The following HIVEP1 variants were observed in gnomAD, a reference collection of about 807,000 sequenced individuals.
HIVEP1 encodes the protein HIVEP zinc finger 1.
Under a neutral mutation model 180.0 loss-of-function variants are expected in HIVEP1, and 36 were observed. That is an observed-to-expected ratio of 0.20 (90% CI 0.15 to 0.26). The LOEUF is 0.26. Ranked by LOEUF, HIVEP1 falls within the 10% of genes least tolerant of loss-of-function variation. The pLI, the probability that HIVEP1 is intolerant of heterozygous loss-of-function variation, is 1.00. For synonymous variants in HIVEP1, 1,239 were observed against 1,239.0 expected, an observed-to-expected ratio of 1.00 and a Z score of 0.00; for missense variants, 3,143 against 3,268.7, an observed-to-expected ratio of 0.96 and a Z score of 0.94.
chr6:12,020,982 C>A (rs920196495), intron 2 of HIVEP1, among the ~76,000 whole-genome samples: 1 of 151,312 alleles, frequency 6.6e-6, no homozygotes, highest in Admixed American at 6.6e-5. Flanking sequence ...GCTCCACCTC[C>A]CAGGTTCAAG....
chr6:12,049,140 G>A (rs1195787324), intron 2 of HIVEP1, among the ~76,000 whole-genome samples: 1 of 152,264 alleles, frequency 6.6e-6, no homozygotes, highest in East Asian at 1.9e-4. Flanking sequence ...CATTTATTAT[G>A]GGGTGTGGGT....
the HIVEP1 span, among the ~76,000 whole-genome samples, chr6:12,180,633 T>A: frequency 6.6e-6 from 1 of 152,222 alleles, no homozygotes; most frequent in Non-Finnish European, 1.5e-5. Context: ...AAACACCACG[T>A]CATTTTCTTT....
chr6:12,169,921 C>T (rs531337992), downstream of HIVEP1, among the ~76,000 whole-genome samples: 130 of 152,112 alleles, frequency 8.5e-4, no homozygotes, highest in African/African-American at 1.6e-3. Context: ...GAGATAGAGA[C>T]CATCCTGGCT....
intron 7 of HIVEP1, among the ~76,000 whole-genome samples, chr6:12,159,853 A>G (rs1760293104): frequency 6.6e-6 from 1 of 152,236 alleles, no homozygotes; most frequent in South Asian, 2.1e-4. Context: ...CACGTTTGTG[A>G]TAAATAATGT....
chr6:12,017,994 G>A (rs1271761038), intron 2 of HIVEP1, among the ~76,000 whole-genome samples: 1 of 152,236 alleles, frequency 6.6e-6, no homozygotes, highest in Non-Finnish European at 1.5e-5. Flanking sequence ...CGGGGAGGCT[G>A]GGGCCGTGCA....
chr6:12,042,371 G>A (rs1412339237), intron 2 of HIVEP1, among the ~76,000 whole-genome samples: 7 of 127,586 alleles, frequency 5.5e-5, no homozygotes, highest in Admixed American at 8.7e-5. Flanking sequence ...GTGAGCCACC[G>A]CACCCGGCCG....
intron 3 of HIVEP1, among the ~76,000 whole-genome samples, chr6:12,105,355 C>T (rs549784293): frequency 1.3e-5 from 2 of 152,304 alleles, no homozygotes; most frequent in African/African-American, 2.4e-5. Context: ...TTGTCAGAAC[C>T]GCCCAGCCTT....
At chr6:12,059,855 TA>T (rs1771118305) in intron 2 of HIVEP1, among the ~76,000 whole-genome samples, 1 of 152,198 alleles carries the variant, frequency 6.6e-6, no homozygotes, top group Non-Finnish European at 1.5e-5. Context: ...AGCACATTGG[TA>T]GATACTTAGT....
At position 12,016,279 on chromosome 6, in the gene HIVEP1, T is replaced by TA. The variant is rs372795976; in HGVS notation, c.40+613dup. 2.7e-3 allele frequency among the ~76,000 whole-genome samples: 406 copies of TA among 152,258 alleles called. 1 individual carries two copies. The highest frequency in any genetic ancestry group is 9.2e-3 in the African/African-American group (382 of 41,554). On this transcript the variant is annotated intron_variant, in intron 2 of 8. Transcript: ENST00000379388. Reference sequence around the variant, plus strand: ...GCGAATACTTTTAATAGTAGAAAAGTAAGTGTATTCTAGCTTATTGTTTAA... The same window carrying TA: ...GCGAATACTTTTAATAGTAGAAAAGTAAAGTGTATTCTAGCTTATTGTTTAA...
chr6:12,204,357 T>TCCTCCCTTCCCCGTCTTCCTCTTTTA, the HIVEP1 span, among the ~76,000 whole-genome samples: 1 of 3,608 alleles, frequency 2.8e-4, no homozygotes, highest in African/African-American at 6.2e-4. Context: ...TGTTCAAGCT[T>TCCTCCCTTCCCCGTCTTCCTCTTTTA]CCTCCCTTCC....
At chr6:12,195,694 C>T in the HIVEP1 span, among the ~76,000 whole-genome samples, 1 of 147,654 alleles carries the variant, frequency 6.8e-6, no homozygotes, top group Admixed American at 6.8e-5. Context: ...GAAAGGAAAT[C>T]ATGGTGACTC....
chr6:12,094,440 CT>C (rs1233702140), intron 3 of HIVEP1, among the ~76,000 whole-genome samples: 1 of 151,922 alleles, frequency 6.6e-6, no homozygotes, highest in African/African-American at 2.4e-5. Context: ...TGTTTGCTAT[CT>C]TTTTTTGTGG....
chr6:12,195,353 T>G, the HIVEP1 span, among the ~76,000 whole-genome samples: 104 of 152,014 alleles, frequency 6.8e-4, no homozygotes, highest in African/African-American at 2.5e-3. Context: ...AACACAAGAG[T>G]GGCCAGATTA....
chr6:12,037,970 C>T (rs1463182014), intron 2 of HIVEP1: 5 of 385,940 alleles, frequency 1.3e-5, no homozygotes, highest in Non-Finnish European at 2.3e-5. Context: ...CTGTGTTGGC[C>T]CCCCAAAGCA....
At chr6:12,170,752 A>T in the HIVEP1 span, among the ~76,000 whole-genome samples, 1 of 152,216 alleles carries the variant, frequency 6.6e-6, no homozygotes. Context: ...GGGTCAGAGC[A>T]CTACAGGGAA....
intron 2 of HIVEP1, among the ~76,000 whole-genome samples, chr6:12,058,579 C>G (rs1167266034): frequency 6.6e-6 from 1 of 152,138 alleles, no homozygotes; most frequent in Non-Finnish European, 1.5e-5. Flanking sequence ...CCCTTAAAGT[C>G]TAGCCTAAAA....
At chr6:12,105,776 A>G (rs1312950255) in intron 3 of HIVEP1, among the ~76,000 whole-genome samples, 4 of 152,060 alleles carry the variant, frequency 2.6e-5, no homozygotes, top group African/African-American at 7.2e-5. Flanking sequence ...TTTTGCTTAG[A>G]AAGTGTAATC....
the HIVEP1 span, among the ~76,000 whole-genome samples, chr6:12,189,028 T>C: frequency 6.6e-6 from 1 of 151,942 alleles, no homozygotes; most frequent in Non-Finnish European, 1.5e-5. Flanking sequence ...TAAATATATG[T>C]TGAATGTATA....
chr6:12,132,207 G>A (rs914820731), intron 6 of HIVEP1, among the ~76,000 whole-genome samples: 4 of 152,134 alleles, frequency 2.6e-5, no homozygotes, highest in African/African-American at 9.7e-5. Context: ...GGTCCTGAGG[G>A]AGGACTCTGA....
Sources: allele counts gnomAD v4.1 joint callset (sites outside exome capture counted in the v4.1 genomes callset), GRCh38; gene constraint gnomAD v4.1.1; transcripts MANE v1.5; gene names NCBI Gene and HGNC (gene_info 2026-07-23, HGNC 2026-07-21).